The following LAMP5 variants were observed in gnomAD, a reference collection of about 807,000 sequenced individuals.
The protein encoded by LAMP5 is lysosome-associated membrane glycoprotein 5.
A neutral mutation model predicts 30.2 loss-of-function variants in LAMP5; 36 were observed. The ratio of observed to expected loss-of-function variants is 1.19; its 90% CI spans 0.91 to 1.57. The LOEUF (loss-of-function observed/expected upper bound fraction) is 1.57, where lower values mean the gene tolerates loss of function less well. Ranked by LOEUF, LAMP5 falls within the 40% of genes most tolerant of loss-of-function variation. The probability of loss-of-function intolerance (pLI) is 0.00; values close to 1 mark genes in which losing one functional copy is unlikely to be tolerated. For missense variants in LAMP5, 377 were observed against 354.9 expected (o/e 1.06, Z -0.50); for synonymous variants, 149 against 134.6 (o/e 1.11, Z -0.74).
intron 4 of LAMP5, among the ~76,000 whole-genome samples, chr20:9,516,606 G>A (rs1266734159): frequency 6.6e-6 from 1 of 152,292 alleles, no homozygotes; most frequent in East Asian, 1.9e-4. Context: ...CCTGATCCTA[G>A]ATAAGAAGTC....
At chr20:9,528,734 A>G (rs1162064199) in intron 5 of LAMP5, among the ~76,000 whole-genome samples, 2 of 152,184 alleles carry the variant, frequency 1.3e-5, no homozygotes, top group East Asian at 3.8e-4. Context: ...TATTTCCAAC[A>G]CAGGTGAAAG....
At chr20:9,522,872 T>C (rs2045087987) in intron 5 of LAMP5, among the ~76,000 whole-genome samples, 2 of 152,116 alleles carry the variant, frequency 1.3e-5, no homozygotes, top group South Asian at 4.1e-4. Flanking sequence ...ACTTTCAGTC[T>C]AGTGGGATAG....
chr20:9,516,414 G>A, intron 4 of LAMP5, 53 bp downstream of exon 4: 1 of 1,395,080 alleles, frequency 7.2e-7, no homozygotes, highest in South Asian at 1.2e-5. Flanking sequence ...CGCAGAACAG[G>A]CTTGGAGAGA....
chr20:9,525,838 C>T (rs73899124), intron 5 of LAMP5, among the ~76,000 whole-genome samples: 8,883 of 152,228 alleles, frequency 0.058, 866 homozygotes, highest in African/African-American at 0.2. Flanking sequence ...TCCATGTTCT[C>T]CAGTGATTTT....
rs757448431 is a variant in LAMP5, at chr20:9,518,158, G to C, written c.594G>C (p.Thr198=). The C allele has an allele frequency of 6.2e-7, 1 of 1,614,126 alleles. No homozygotes were observed. The highest frequency in any genetic ancestry group is 1.7e-5 in the Admixed American group (1 of 60,020). ...TGGCCTCTAGTGATCCGCAGAAGACGGTCACCATGATCCTGTCTGCGGTCC... is the reference window on the plus strand; with the variant it reads ...TGGCCTCTAGTGATCCGCAGAAGACCGTCACCATGATCCTGTCTGCGGTCC... ...ISLASSDPQK[T]VTMILSAVHI... is the part of the protein sequence containing the mutation. The change falls in exon 5 of 6, where the codon ACG becomes ACC. Residue 198 remains threonine (T), a synonymous_variant. Coordinates refer to ENST00000246070, the MANE Select transcript of LAMP5 (RefSeq NM_012261.4).
At chr20:9,520,144 C>A (rs2122836543) in intron 5 of LAMP5, among the ~76,000 whole-genome samples, 1 of 152,322 alleles carries the variant, frequency 6.6e-6, no homozygotes, top group Middle Eastern at 3.4e-3. Flanking sequence ...TTCCTAAATG[C>A]AAATAGAGAA....
chr20:9,515,950 C>G (rs1387432083), intron 2 of LAMP5, 50 bp from the exon 3 acceptor site: 1 of 1,448,882 alleles, frequency 6.9e-7, no homozygotes. Flanking sequence ...TTACAGCCCC[C>G]GCCCCGGGGC....
In LAMP5 at chr20:9,518,039, G is replaced by A. The variant is rs756135719; in HGVS notation, c.476-1G>A. On this transcript the variant is annotated splice_acceptor_variant, in intron 4 of 5. Transcript: ENST00000246070. LOFTEE classifies it high-confidence loss of function. ...ACTATTGCTCTGGGCTCTTGCTGTA[G>A]CTGGGAAGCACACAGCCAACTCGCA... 1.9e-6 allele frequency: 3 copies of A among 1,550,088 alleles called. No individual in the cohort carries two copies. The highest frequency in any genetic ancestry group is 3.1e-5 in the African/African-American group (2 of 63,790).
Position 9,515,981 on chromosome 20 carries a change from G to C in LAMP5, c.238-19G>C, listed in dbSNP as rs758888276. On this transcript the variant is annotated intron_variant, in intron 2 of 5. Transcript: ENST00000246070. ...GGGGCCGGGCGAGCTGAGGGGGCGC[G>C]GGGCGTCTGTGTTCCCAGCTGATCA... 7 of 1,486,910 alleles carry C rather than the reference G, an allele frequency of 4.7e-6. No homozygotes were observed. In the East Asian group the frequency reaches 1.2e-4, roughly 25 times the overall value. 92.1% of individuals were successfully genotyped at this position (1,486,910 alleles called of 1,614,324 possible).
At chr20:9,515,337 C>T in intron 1 of LAMP5, 116 bp from the exon 2 acceptor site, 2 of 905,736 alleles carry the variant, frequency 2.2e-6, no homozygotes, top group South Asian at 3.5e-5. Context: ...GAGCGCACAG[C>T]TGCTGGCAGA....
intron 5 of LAMP5, among the ~76,000 whole-genome samples, chr20:9,518,555 C>T (rs926138865): frequency 2.0e-5 from 3 of 152,256 alleles, no homozygotes; most frequent in African/African-American, 7.2e-5. Context: ...CCTCTCTCCC[C>T]ATCTTCTTTC....
At chr20:9,524,383 A>G (rs985984889) in intron 5 of LAMP5, among the ~76,000 whole-genome samples, 2 of 152,146 alleles carry the variant, frequency 1.3e-5, no homozygotes, top group African/African-American at 4.8e-5. Context: ...ATAAATTATT[A>G]GATGCATAAA....
intron 4 of LAMP5, 49 bp downstream of exon 4, chr20:9,516,410 A>G (rs2232267): frequency 0.42 from 601,947 of 1,433,068 alleles, 134,592 homozygotes; most frequent in African/African-American, 0.82. Context: ...AACTCGCAGA[A>G]CAGGCTTGGA....
rs1037651469 is a variant in LAMP5, at chr20:9,518,078, T to C, written c.514T>C (p.Leu172=). The change falls in exon 5 of 6, where the codon TTG becomes CTG. Residue 172 remains leucine (L), a synonymous_variant. Coordinates refer to ENST00000246070, the MANE Select transcript of LAMP5 (RefSeq NM_012261.4). ...AGCCAACTCGCACCACCTCTCTGCC[T>C]TGGTCACCCCCGCTGGGAAGTCCTA... ...HTANSHHLSA[L]VTPAGKSYEC... 2 of 1,614,014 alleles carry C rather than the reference T, an allele frequency of 1.2e-6. No homozygotes were observed. The highest frequency in any genetic ancestry group is 2.7e-5 in the African/African-American group (2 of 74,916).
intron 2 of LAMP5, 108 bp from the exon 3 acceptor site, chr20:9,515,892 G>A: frequency 7.7e-7 from 1 of 1,293,596 alleles, no homozygotes. Context: ...ATGCGCGCGC[G>A]CAAAGGAGCG....
At chr20:9,524,924 G>A (rs1372718261) in intron 5 of LAMP5, among the ~76,000 whole-genome samples, 6 of 152,182 alleles carry the variant, frequency 3.9e-5, no homozygotes, top group South Asian at 2.1e-4. Flanking sequence ...GTGGATGAGA[G>A]AGTGGGCTCA....
chr20:9,518,369 C>T (rs1464216920), intron 5 of LAMP5, 141 bp downstream of exon 5: 1 of 694,378 alleles, frequency 1.4e-6, no homozygotes, highest in East Asian at 2.7e-5. Flanking sequence ...TAATAATTTT[C>T]AAAGACTAAA....
In LAMP5 at chr20:9,526,825, G is replaced by T. The variant is rs1188706758; in HGVS notation, c.665-2817G>T. ...ATTTCTTTTTCTATTATATATATGT[G>T]TATTATATAGATACATATACATATG... On this transcript the variant is annotated intron_variant, in intron 5 of 5. Transcript: ENST00000246070. 2.9e-5 allele frequency among the ~76,000 whole-genome samples: 4 copies of T among 135,832 alleles called. No homozygotes were observed. The East Asian group carries it at 6.4e-4, about 22-fold the overall frequency. The allele number at this position is 135,832 out of a possible 152,430, so 89.1% of individuals were successfully genotyped here.
chr20:9,522,897 A>G (rs1322781983), intron 5 of LAMP5, among the ~76,000 whole-genome samples: 1 of 151,360 alleles, frequency 6.6e-6, no homozygotes, highest in Non-Finnish European at 1.5e-5. Context: ...TATACAATGC[A>G]TGTCATGTTC....
Sources: allele counts gnomAD v4.1 joint callset (sites outside exome capture counted in the v4.1 genomes callset), GRCh38; gene constraint gnomAD v4.1.1; transcripts MANE v1.5; gene names NCBI Gene and HGNC (gene_info 2026-07-23, HGNC 2026-07-21).